Variants in MPRIP observed in about 807,000 individuals in gnomAD.
The protein encoded by MPRIP is myosin phosphatase Rho-interacting protein.
A neutral mutation model predicts 234.9 loss-of-function variants in MPRIP; 59 were observed. That is an observed-to-expected ratio of 0.25 (90% CI 0.20 to 0.31). MPRIP has a LOEUF of 0.31. MPRIP is among the 10% of genes least tolerant of loss of function. MPRIP has a pLI of 1.00. For synonymous variants in MPRIP, 1,144 were observed against 1,263.9 expected (o/e 0.91, Z 2.01); for missense variants, 2,436 against 3,071.0 (o/e 0.79, Z 4.89).
At chr17:17,119,704 C>T (rs567617460) in intron 3 of MPRIP, among the ~76,000 whole-genome samples, 1 of 152,234 alleles carries the variant, frequency 6.6e-6, no homozygotes, top group Non-Finnish European at 1.5e-5. Context: ...CTAGAACGTG[C>T]CGAGCTGCCT....
chr17:17,090,064 G>C (rs572804293), intron 3 of MPRIP, among the ~76,000 whole-genome samples: 48 of 152,330 alleles, frequency 3.2e-4, no homozygotes, highest in Non-Finnish European at 1.2e-4. Context: ...AAGACTCCTT[G>C]TCCTTGAGCA....
chr17:17,154,484 C>T, intron 13 of MPRIP, 69 bp downstream of exon 13: 1 of 1,359,998 alleles, frequency 7.4e-7, no homozygotes, highest in Non-Finnish European at 1.1e-6. Context: ...AGGGCAGTGT[C>T]AGACTCAGGT....
chr17:17,176,428 C>T lies in MPRIP; in HGVS notation c.6873C>T (p.Val2291=), dbSNP rs1308371416. The T allele has an allele frequency of 1.2e-6, 2 of 1,612,778 alleles. No individual in the cohort carries two copies. The highest frequency in any genetic ancestry group is 8.5e-7 in the Non-Finnish European group (1 of 1,178,916). The change falls in exon 21 of 24, where the codon GTC becomes GTT. Residue 2291 remains valine, a splice_region_variant and synonymous_variant. Coordinates refer to ENST00000651222, the MANE Select transcript of MPRIP (RefSeq NM_001364716.4). The part of the protein sequence containing the change: ...AQGKDAYELE[V]LLRVKESEIQ... ...CCCTGATCTCTCTGTCATTTTAGGTCTTATTGCGGGTAAAGGAATCGGAAA... is the reference window on the plus strand; with the variant it reads ...CCCTGATCTCTCTGTCATTTTAGGTTTTATTGCGGGTAAAGGAATCGGAAA...
chr17:17,168,238 C>A (rs1446790984), intron 16 of MPRIP: 2 of 270,206 alleles, frequency 7.4e-6, no homozygotes, highest in Admixed American at 1.0e-4. Flanking sequence ...CCCCAATCCC[C>A]TTGCCAGCCT....
intron 1 of MPRIP, among the ~76,000 whole-genome samples, chr17:17,075,318 A>T (rs547736295): frequency 2.0e-5 from 3 of 152,242 alleles, no homozygotes; most frequent in African/African-American, 7.2e-5. Flanking sequence ...TATCTTCAGG[A>T]TGAAGCTTTT....
chr17:17,108,608 TA>T (rs1243518501), intron 3 of MPRIP, among the ~76,000 whole-genome samples: 1 of 151,976 alleles, frequency 6.6e-6, no homozygotes, highest in Non-Finnish European at 1.5e-5. Flanking sequence ...CCTTCCATTT[TA>T]AGCCAGCTGG....
At chr17:17,149,012 G>A (rs1254844177) in intron 11 of MPRIP, among the ~76,000 whole-genome samples, 1 of 152,158 alleles carries the variant, frequency 6.6e-6, no homozygotes, top group East Asian at 1.9e-4. Context: ...GTAGACAATT[G>A]GAAGCTGTGC....
At position 17,167,681 on chromosome 17, in the gene MPRIP, C is replaced by T. The variant is rs1367621000; in HGVS notation, c.6090C>T (p.Cys2030=). Residue 2030 remains cysteine (C), a synonymous_variant, in exon 16 of 24, where the codon TGC becomes TGT. Transcript: ENST00000651222. This position sits in a 1 kb window ranked among gnomAD's most constrained non-coding sequence, Gnocchi z 5.9. Reference sequence around the variant, plus strand: ...AGCACTACTCGCAGAGCCTGAGGTGCCTTCAGGACACCCTCTGCCTCCACC... The same window carrying T: ...AGCACTACTCGCAGAGCCTGAGGTGTCTTCAGGACACCCTCTGCCTCCACC... ...LQEHYSQSLR[C]LQDTLCLHQG... 1 of 1,304,156 alleles carries T rather than the reference C, an allele frequency of 7.7e-7. No individual in the cohort carries two copies. The highest frequency in any genetic ancestry group is 1.2e-5 in the South Asian group (1 of 81,020). The allele number at this position is 1,304,156 out of a possible 1,614,324, so 80.8% of individuals were successfully genotyped here.
chr17:17,075,278 A>G (rs2144036812), intron 1 of MPRIP, among the ~76,000 whole-genome samples: 1 of 152,320 alleles, frequency 6.6e-6, no homozygotes, highest in Admixed American at 6.5e-5. Flanking sequence ...TTTGATCACG[A>G]AAGCAGTCTC....
In MPRIP at chr17:17,166,657, G is replaced by A; in HGVS notation, c.5066G>A (p.Ser1689Asn). The A allele has an allele frequency of 7.7e-7, 1 of 1,304,136 alleles. No homozygotes were observed. The highest frequency in any genetic ancestry group is 1.0e-6 in the Non-Finnish European group (1 of 988,982). 80.8% of individuals were successfully genotyped at this position (1,304,136 alleles called of 1,614,324 possible). The change falls in exon 16 of 24, where the codon AGC becomes AAC. Residue 1689 changes from serine to asparagine, a missense_variant. Around this residue, in one of 4 missense-constraint regions of MPRIP, gnomAD observed 1,998 missense variants for 2,520.3 expected, o/e 0.79. Transcript: ENST00000651222. This position sits in a 1 kb window ranked among gnomAD's most constrained non-coding sequence, Gnocchi z 4.4. ...VRESFHRRLQ[S>N]IQETLRGTQT... ...GAGTCGTTCCACCGCAGGCTACAGAGCATCCAGGAGACCCTGCGGGGCACC... is the reference window on the plus strand; with the variant it reads ...GAGTCGTTCCACCGCAGGCTACAGAACATCCAGGAGACCCTGCGGGGCACC...
chr17:17,161,805 C>G (rs1404849629), intron 15 of MPRIP, among the ~76,000 whole-genome samples: 2 of 152,200 alleles, frequency 1.3e-5, no homozygotes, highest in Non-Finnish European at 2.9e-5. Flanking sequence ...AGTGGCAAAG[C>G]TAGTACTGGA....
chr17:17,187,353 G>A lies in MPRIP; in HGVS notation c.*2459G>A, dbSNP rs2046495976. The A allele has an allele frequency of 1.3e-5, 2 of 152,216 alleles. No homozygotes were observed. The highest frequency in any genetic ancestry group is 2.9e-5 in the Non-Finnish European group (2 of 68,062). 9.4% of individuals were successfully genotyped at this position (152,216 alleles called of 1,614,324 possible). A position where few individuals can be genotyped will look rare whatever the true frequency, so the allele number is the denominator to read the frequency against. On this transcript the variant is annotated 3_prime_UTR_variant, in exon 24 of 24. Transcript: ENST00000651222. ...GTCTCTCCCCAGAGGCTGGTTTAGT[G>A]TAGGGTATTGCCAGGAAACGGACTG...
chr17:17,094,283 G>A (rs896890608), intron 3 of MPRIP, among the ~76,000 whole-genome samples: 2 of 152,214 alleles, frequency 1.3e-5, no homozygotes, highest in African/African-American at 2.4e-5. Context: ...TAGAATGTTA[G>A]ATGGGACCTA....
At chr17:17,160,129 G>A (rs1341852834) in intron 14 of MPRIP, among the ~76,000 whole-genome samples, 1 of 152,146 alleles carries the variant, frequency 6.6e-6, no homozygotes, top group Non-Finnish European at 1.5e-5. Context: ...GGTACTTTGG[G>A]AGGCCGAGGC....
At chr17:17,160,369 AAAAT>A (rs1471847494) in intron 14 of MPRIP, among the ~76,000 whole-genome samples, 4 of 152,136 alleles carry the variant, frequency 2.6e-5, no homozygotes, top group East Asian at 1.9e-4. Context: ...CATCTCAAAA[AAAAT>A]AAATAAAAGT....
intron 13 of MPRIP, among the ~76,000 whole-genome samples, chr17:17,156,260 G>T (rs77689691): frequency 0.033 from 5,056 of 152,338 alleles, 141 homozygotes; most frequent in East Asian, 0.12. Context: ...CTGCTTCCCT[G>T]CGTGCAGGGG....
At chr17:17,076,426 C>T (rs2144044078) in intron 2 of MPRIP, 1 of 152,524 alleles carries the variant, frequency 6.6e-6, no homozygotes, top group Middle Eastern at 3.4e-3. Context: ...CCGGGAGCTC[C>T]CTTTCCTCTT....
chr17:17,162,886 ATAAGGGATACTCAACTTGTAC>A (rs2045903587), intron 15 of MPRIP, among the ~76,000 whole-genome samples: 1 of 152,220 alleles, frequency 6.6e-6, no homozygotes, highest in South Asian at 2.1e-4. Flanking sequence ...AGTATTTTGG[ATAAGGGATACTCAACTTGTAC>A]TAAGCAGCGG....
At chr17:17,075,857 G>A (rs1044809384) in intron 2 of MPRIP, 70 bp downstream of exon 2, 18 of 1,447,884 alleles carry the variant, frequency 1.2e-5, no homozygotes, top group Non-Finnish European at 1.7e-5. Context: ...AACTGGCAGA[G>A]TGGAAGAGGG....
Sources: gnomAD v4.1 joint callset for allele counts (sites outside exome capture counted in the v4.1 genomes callset) on GRCh38, gnomAD v4.1.1 for gene constraint, gnomAD v4.1.1 regional missense constraint, Gnocchi (gnomAD v3.1) non-coding constraint, MANE v1.5 for transcripts, NCBI Gene and HGNC (gene_info 2026-07-23, HGNC 2026-07-21) for gene names.